Variants in SORCS3 observed in about 807,000 individuals in gnomAD.
The protein encoded by SORCS3 is sortilin related VPS10 domain containing receptor 3.
In SORCS3, 57 loss-of-function variants were observed where a neutral mutation model predicts 146.3. The ratio of observed to expected loss-of-function variants is 0.39; its 90% CI spans 0.31 to 0.49. The LOEUF (loss-of-function observed/expected upper bound fraction) is 0.49. Among genes scored for constraint, SORCS3 ranks in the 20% least tolerant of loss-of-function variants. The pLI is 0.92. For synonymous variants in SORCS3, 653 were observed against 618.5 expected (o/e 1.06, Z -0.83); for missense variants, 1,341 against 1,575.5 (o/e 0.85, Z 2.52).
At chr10:104,931,237 G>A (rs1376711389) in intron 3 of SORCS3, among the ~76,000 whole-genome samples, 2 of 152,210 alleles carry the variant, frequency 1.3e-5, no homozygotes, top group East Asian at 1.9e-4. Context: ...TTGGAGATCA[G>A]GTGTCTGGCT....
intron 5 of SORCS3, among the ~76,000 whole-genome samples, chr10:105,085,798 C>G (rs1014835217): frequency 2.6e-5 from 4 of 152,142 alleles, no homozygotes; most frequent in African/African-American, 9.7e-5. Context: ...GAACCTCTGA[C>G]TCTCTGATTC....
chr10:105,144,770 A>T (rs1001971435), intron 8 of SORCS3, among the ~76,000 whole-genome samples: 1 of 152,154 alleles, frequency 6.6e-6, no homozygotes, highest in Non-Finnish European at 1.5e-5. Flanking sequence ...AGGCAATGAC[A>T]TATGCTATGG....
intron 1 of SORCS3, among the ~76,000 whole-genome samples, chr10:104,642,451 G>A (rs1196318047): frequency 8.8e-6 from 1 of 114,114 alleles, no homozygotes; most frequent in Non-Finnish European, 1.7e-5. Flanking sequence ...CCAGCCTCCT[G>A]CTCGCCTCGG....
intron 1 of SORCS3, among the ~76,000 whole-genome samples, chr10:104,734,912 A>G (rs556832825): frequency 6.6e-6 from 1 of 152,316 alleles, no homozygotes; most frequent in African/African-American, 2.4e-5. Flanking sequence ...ATTAAATGAG[A>G]TGAAGTATGT....
chr10:105,262,591 CAAA>C (rs1410799257), intron 26 of SORCS3, 100 bp downstream of exon 26: 17 of 1,190,624 alleles, frequency 1.4e-5, no homozygotes, highest in Non-Finnish European at 2.0e-5. Context: ...AGGGTGGGGA[CAAA>C]CAACTACCTA....
intron 16 of SORCS3, 111 bp downstream of exon 16, chr10:105,201,364 G>A (rs538376365): frequency 2.3e-6 from 3 of 1,294,806 alleles, no homozygotes; most frequent in East Asian, 2.4e-5. Flanking sequence ...GAGATAGGAG[G>A]TGTATCTGCT....
chr10:104,836,621 A>G (rs2018070623), intron 1 of SORCS3, among the ~76,000 whole-genome samples: 1 of 152,116 alleles, frequency 6.6e-6, no homozygotes, highest in Non-Finnish European at 1.5e-5. Flanking sequence ...TTCTATTGTC[A>G]CCGCCCTCTT....
intron 2 of SORCS3, among the ~76,000 whole-genome samples, chr10:104,872,566 ATTTT>A (rs35376112): frequency 7.0e-6 from 1 of 142,980 alleles, no homozygotes; most frequent in African/African-American, 2.6e-5. Flanking sequence ...CCTCATTTTG[ATTTT>A]TTTTTTTTTT....
chr10:104,717,942 A>G (rs796184478), intron 1 of SORCS3, among the ~76,000 whole-genome samples: 10 of 152,022 alleles, frequency 6.6e-5, no homozygotes, highest in African/African-American at 2.4e-4. Flanking sequence ...GGAGTTGGAG[A>G]CTAACCTGTC....
intron 9 of SORCS3, among the ~76,000 whole-genome samples, chr10:105,149,044 A>G (rs545720309): frequency 1.4e-4 from 22 of 152,216 alleles, no homozygotes; most frequent in Admixed American, 5.2e-4. Context: ...TCCTGCCACT[A>G]TGTAAGACAT....
intron 1 of SORCS3, among the ~76,000 whole-genome samples, chr10:104,744,708 G>A (rs915480091): frequency 6.6e-6 from 1 of 152,108 alleles, no homozygotes. Context: ...TCTGGACTCC[G>A]CCTCCATACC....
chr10:104,947,866 C>T (rs561435946), intron 3 of SORCS3, among the ~76,000 whole-genome samples: 116 of 152,224 alleles, frequency 7.6e-4, no homozygotes, highest in Admixed American at 8.5e-4. Flanking sequence ...CCTCCTGCCT[C>T]GGCCTCCCAA....
chr10:104,843,601 C>T (rs550333243), intron 2 of SORCS3, among the ~76,000 whole-genome samples: 7 of 152,202 alleles, frequency 4.6e-5, no homozygotes, highest in South Asian at 2.1e-4. Context: ...GCACACAGGA[C>T]GAGGGAGAAG....
chr10:104,770,763 G>A (rs1362138198), intron 1 of SORCS3, among the ~76,000 whole-genome samples: 1 of 151,992 alleles, frequency 6.6e-6, no homozygotes, highest in Non-Finnish European at 1.5e-5. Context: ...AGCCTGGGAG[G>A]TTGAGGCTGC....
intron 19 of SORCS3, among the ~76,000 whole-genome samples, chr10:105,220,044 G>A (rs571261296): frequency 2.0e-5 from 3 of 152,256 alleles, no homozygotes; most frequent in East Asian, 3.9e-4. Context: ...GTAGTTGTTA[G>A]CTGCCCAAAA....
chr10:105,124,633 G>A (rs1432733161), intron 7 of SORCS3, among the ~76,000 whole-genome samples: 3 of 152,058 alleles, frequency 2.0e-5, no homozygotes, highest in African/African-American at 4.8e-5. Flanking sequence ...TGCATTTCTT[G>A]GGCTTTAAAA....
chr10:104,713,784 G>T (rs1357382000), intron 1 of SORCS3, among the ~76,000 whole-genome samples: 1 of 152,032 alleles, frequency 6.6e-6, no homozygotes, highest in African/African-American at 2.4e-5. Context: ...CTGGTTTGGG[G>T]GTATTATAGA....
chr10:105,056,290 T>G (rs2055445340), intron 5 of SORCS3, among the ~76,000 whole-genome samples: 1 of 152,212 alleles, frequency 6.6e-6, no homozygotes, highest in Non-Finnish European at 1.5e-5. Context: ...TCTAAGATGT[T>G]GACCAGATCC....
At chr10:104,671,770 T>G (rs2133257896) in intron 1 of SORCS3, among the ~76,000 whole-genome samples, 1 of 152,248 alleles carries the variant, frequency 6.6e-6, no homozygotes, top group Middle Eastern at 3.4e-3. Context: ...GTTAATGTGG[T>G]ATACTGGTCA....
Sources: allele counts gnomAD v4.1 joint callset (sites outside exome capture counted in the v4.1 genomes callset), GRCh38; gene constraint gnomAD v4.1.1; transcripts MANE v1.5; gene names NCBI Gene and HGNC (gene_info 2026-07-23, HGNC 2026-07-21).